The following WDFY2 variants were observed in gnomAD, a reference collection of about 807,000 sequenced individuals.
The protein encoded by WDFY2 is WD repeat and FYVE domain containing 2.
Under a neutral mutation model 56.4 loss-of-function variants are expected in WDFY2, and 36 were observed. The ratio of observed to expected loss-of-function variants is 0.64; its 90% CI spans 0.49 to 0.84. WDFY2 has a LOEUF of 0.84. Among genes scored for constraint, WDFY2 ranks in the 40% least tolerant of loss-of-function variants. WDFY2 has a pLI of 0.00. For missense variants in WDFY2, 444 were observed against 512.2 expected (o/e 0.87, Z 1.29); for synonymous variants, 176 against 183.7 (o/e 0.96, Z 0.34).
chr13:51,664,218 C>T (rs895463974), intron 2 of WDFY2, among the ~76,000 whole-genome samples: 3 of 152,192 alleles, frequency 2.0e-5, no homozygotes, highest in African/African-American at 7.2e-5. Flanking sequence ...AACACAAGCA[C>T]TGCTTTGGGG....
chr13:51,722,507 G>C (rs1338091061), intron 5 of WDFY2, among the ~76,000 whole-genome samples: 1 of 151,754 alleles, frequency 6.6e-6, no homozygotes, highest in Non-Finnish European at 1.5e-5. Context: ...AAAGGAAAAG[G>C]GAAAAGAAAA....
At chr13:51,723,301 C>G (rs573855403) in intron 5 of WDFY2, among the ~76,000 whole-genome samples, 8 of 152,288 alleles carry the variant, frequency 5.3e-5, no homozygotes, top group Non-Finnish European at 1.2e-4. Context: ...AACAATCACT[C>G]TTTGATCTCC....
At chr13:51,659,544 T>C in intron 1 of WDFY2, among the ~76,000 whole-genome samples, 1 of 152,234 alleles carries the variant, frequency 6.6e-6, no homozygotes, top group East Asian at 1.9e-4. Flanking sequence ...TGCTGGCATA[T>C]GCTGATGATG....
chr13:51,674,968 A>G (rs1955862192), intron 2 of WDFY2, among the ~76,000 whole-genome samples: 2 of 152,212 alleles, frequency 1.3e-5, no homozygotes, highest in African/African-American at 4.8e-5. Context: ...CTTATTTGTT[A>G]TATTCATTAA....
intron 5 of WDFY2, among the ~76,000 whole-genome samples, chr13:51,724,855 C>G (rs1219489159): frequency 6.6e-6 from 1 of 152,186 alleles, no homozygotes; most frequent in African/African-American, 2.4e-5. Context: ...AGCCTCTGTG[C>G]TCTACCAGTT....
At chr13:51,745,955 CTTTT>C (rs1258809108) in intron 7 of WDFY2, among the ~76,000 whole-genome samples, 2 of 127,814 alleles carry the variant, frequency 1.6e-5, no homozygotes, top group Non-Finnish European at 3.4e-5. Context: ...CTGGACTTTT[CTTTT>C]TCTTTTTCTT....
chr13:51,611,042 G>A (rs986239452), intron 1 of WDFY2, among the ~76,000 whole-genome samples: 1 of 152,186 alleles, frequency 6.6e-6, no homozygotes, highest in African/African-American at 2.4e-5. Flanking sequence ...AAAATTACAT[G>A]TGTTCTGCTA....
intron 3 of WDFY2, among the ~76,000 whole-genome samples, chr13:51,679,175 A>G (rs1955937307): frequency 1.3e-5 from 2 of 152,204 alleles, no homozygotes; most frequent in South Asian, 4.1e-4. Flanking sequence ...TCCCACTCCA[A>G]GACTTCATAC....
intron 3 of WDFY2, among the ~76,000 whole-genome samples, chr13:51,689,645 G>T (rs1451065929): frequency 6.6e-6 from 1 of 152,022 alleles, no homozygotes; most frequent in African/African-American, 2.4e-5. Flanking sequence ...AAATACATGT[G>T]GTCAGAAAAG....
At chr13:51,711,493 T>A (rs1952215874) in intron 4 of WDFY2, among the ~76,000 whole-genome samples, 1 of 152,070 alleles carries the variant, frequency 6.6e-6, no homozygotes, top group South Asian at 2.1e-4. Context: ...ACCATCAGAG[T>A]GAACAGGCAA....
chr13:51,641,359 G>T (rs1955152937), intron 1 of WDFY2, among the ~76,000 whole-genome samples: 1 of 151,916 alleles, frequency 6.6e-6, no homozygotes, highest in South Asian at 2.1e-4. Flanking sequence ...GTGAGCCACC[G>T]CAGCCAGCCT....
intron 3 of WDFY2, among the ~76,000 whole-genome samples, chr13:51,697,852 C>T (rs1307043796): frequency 1.3e-5 from 2 of 152,076 alleles, no homozygotes; most frequent in South Asian, 2.1e-4. Flanking sequence ...TGTGTATACA[C>T]GGGGAAAAGC....
chr13:51,601,083 C>A (rs1024144298), intron 1 of WDFY2, among the ~76,000 whole-genome samples: 1 of 151,924 alleles, frequency 6.6e-6, no homozygotes, highest in Non-Finnish European at 1.5e-5. Flanking sequence ...GTGAGTAGAC[C>A]CCATATGATA....
Position 51,767,296 on chromosome 13 carries a change from T to C in WDFY2, c.*7527T>C, listed in dbSNP as rs1482411707. 2 of 152,246 alleles carry C rather than the reference T, an allele frequency of 1.3e-5. No individual in the cohort carries two copies. The highest frequency in any genetic ancestry group is 4.8e-5 in the African/African-American group (2 of 41,458). 9.4% of individuals were successfully genotyped at this position (152,246 alleles called of 1,614,324 possible). A position where few individuals can be genotyped will look rare whatever the true frequency, so the allele number is the denominator to read the frequency against. ...TCATCCTCCTGCAGAAAAGGAGGCA[T>C]GCAGTTAAATGGAGCTGGTGCTTGC... is the stretch of plus-strand genomic sequence containing the variant. On this transcript the variant is annotated 3_prime_UTR_variant, in exon 12 of 12. Transcript: ENST00000298125.
At chr13:51,711,602 C>T (rs1011017630) in intron 4 of WDFY2, among the ~76,000 whole-genome samples, 1 of 152,096 alleles carries the variant, frequency 6.6e-6, no homozygotes, top group Non-Finnish European at 1.5e-5. Flanking sequence ...AAGAAAAAAT[C>T]AAACAACCCC....
At chr13:51,720,382 G>C (rs1319168662) in intron 5 of WDFY2, among the ~76,000 whole-genome samples, 1 of 152,178 alleles carries the variant, frequency 6.6e-6, no homozygotes, top group African/African-American at 2.4e-5. Context: ...TTGCCAAGAA[G>C]ACCAAAGGCA....
At chr13:51,730,240 T>G (rs1202523381) in intron 6 of WDFY2, among the ~76,000 whole-genome samples, 1 of 152,240 alleles carries the variant, frequency 6.6e-6, no homozygotes, top group Non-Finnish European at 1.5e-5. Context: ...CAATCTGGTT[T>G]GTCGTTATTA....
intron 3 of WDFY2, among the ~76,000 whole-genome samples, chr13:51,684,908 A>G (rs1172772525): frequency 6.6e-6 from 1 of 152,158 alleles, no homozygotes; most frequent in Admixed American, 6.6e-5. Context: ...GCCGTCAGAT[A>G]TCCAAAGTTC....
intron 1 of WDFY2, among the ~76,000 whole-genome samples, chr13:51,635,497 A>G (rs564482858): frequency 5.9e-5 from 9 of 152,338 alleles, no homozygotes; most frequent in African/African-American, 2.2e-4. Context: ...TGTTTTCTAA[A>G]TAGTGAAAAC....
Sources: allele counts gnomAD v4.1 joint callset (sites outside exome capture counted in the v4.1 genomes callset), GRCh38; gene constraint gnomAD v4.1.1; transcripts MANE v1.5; gene names NCBI Gene and HGNC (gene_info 2026-07-23, HGNC 2026-07-21).